Variants in CPEB1 observed in about 807,000 individuals in gnomAD.
CPEB1 encodes the protein cytoplasmic polyadenylation element binding protein 1.
In CPEB1, 7 loss-of-function variants were observed where a neutral mutation model predicts 65.8. The observed-to-expected ratio is 0.11, with a 90% confidence interval of 0.06 to 0.20. The LOEUF is 0.20. Among genes scored for constraint, CPEB1 ranks in the 10% least tolerant of loss-of-function variants. The probability of loss-of-function intolerance (pLI) is 1.00; values close to 1 mark genes in which losing one functional copy is unlikely to be tolerated. For missense variants in CPEB1, 551 were observed against 712.2 expected (o/e 0.77, Z 2.58); for synonymous variants, 262 against 260.0 (o/e 1.01, Z -0.08).
At chr15:82,583,454 C>T (rs2041486619) in intron 3 of CPEB1, 1 of 152,192 alleles carries the variant, frequency 6.6e-6, no homozygotes, top group African/African-American at 2.4e-5. Context: ...GTGCCAATCA[C>T]GACTGCATCT....
chr15:82,555,408 A>C lies in CPEB1; in HGVS notation c.940+462T>G, dbSNP rs188700397. On this transcript the variant is annotated intron_variant, in intron 6 of 12. Transcript: ENST00000684509. ...AAATGGACCCCTCCTTCCCCAGTGC[A>C]TCCCTGACTATACCAATCAGAAAGC... Among the ~76,000 whole-genome samples, 1,165 of 152,316 alleles carry C rather than the reference A, an allele frequency of 7.6e-3. 12 individuals are homozygous for C. Among genetic ancestry groups the C allele is most frequent in the Non-Finnish European group, 9.6e-3 (655 of 68,016 alleles).
At chr15:82,629,992 G>A (rs759016137) in intron 1 of CPEB1, 46 of 985,300 alleles carry the variant, frequency 4.7e-5, no homozygotes, top group Non-Finnish European at 5.5e-5. Context: ...CTCTAGAGTG[G>A]TGCCATTGAG....
At chr15:82,582,678 C>T (rs1254348646) in intron 3 of CPEB1, among the ~76,000 whole-genome samples, 1 of 151,846 alleles carries the variant, frequency 6.6e-6, no homozygotes, top group East Asian at 1.9e-4. Context: ...CAAAGGATCC[C>T]TTTTCTGCAC....
chr15:82,614,078 C>T (rs577360491), intron 3 of CPEB1, among the ~76,000 whole-genome samples: 34 of 152,226 alleles, frequency 2.2e-4, no homozygotes, highest in African/African-American at 7.9e-4. Context: ...GACTCCCTAC[C>T]CTGGGACGGC....
intron 4 of CPEB1, among the ~76,000 whole-genome samples, chr15:82,561,098 T>C (rs1483062242): frequency 7.2e-5 from 11 of 152,150 alleles, no homozygotes; most frequent in Non-Finnish European, 4.4e-5. Context: ...TGGCAGACAA[T>C]ATAAACACGA....
intron 3 of CPEB1, among the ~76,000 whole-genome samples, chr15:82,606,035 C>G (rs772716255): frequency 1.3e-5 from 2 of 151,476 alleles, no homozygotes; most frequent in Non-Finnish European, 2.9e-5. Flanking sequence ...CAAAACTCCA[C>G]CTCAAAAAAA....
rs142459598 is a variant in CPEB1, at chr15:82,565,343, A to C, written c.460+6001T>G. On this transcript the variant is annotated intron_variant, in intron 4 of 12. Coordinates refer to ENST00000684509, the MANE Select transcript of CPEB1 (RefSeq NM_001365242.1). The stretch of plus-strand genomic sequence containing the variant: ...AAGGGAAGTGGGGGGACCTCATTTC[A>C]AGAAAGAAAACCTGTCTTGCTCCCA... Among the ~76,000 whole-genome samples, 38 of 152,348 alleles carry C rather than the reference A, an allele frequency of 2.5e-4. 1 individual carries two copies. In the East Asian group the frequency reaches 6.4e-3, roughly 26 times the overall value.
At chr15:82,618,015 A>G in intron 3 of CPEB1, among the ~76,000 whole-genome samples, 1 of 151,850 alleles carries the variant, frequency 6.6e-6, no homozygotes, top group Non-Finnish European at 1.5e-5. Context: ...TTACAGGTAA[A>G]GTTTTTAATT....
At chr15:82,549,872 C>G (rs2035941307) in intron 9 of CPEB1, among the ~76,000 whole-genome samples, 1 of 152,160 alleles carries the variant, frequency 6.6e-6, no homozygotes, top group Non-Finnish European at 1.5e-5. Context: ...GTCCATGTGT[C>G]CAGAATGGTA....
At chr15:82,628,689 C>T (rs2045980161) in intron 1 of CPEB1, 133 bp from the exon 2 acceptor site, 6 of 503,854 alleles carry the variant, frequency 1.2e-5, no homozygotes, top group South Asian at 7.8e-5. Context: ...ACATCCGCTC[C>T]ACATCCTTCC....
Position 82,544,250 on chromosome 15 carries a change from C to A in CPEB1, c.*342G>T. On this transcript the variant is annotated 3_prime_UTR_variant, in exon 13 of 13. Transcript: ENST00000684509. Reference sequence around the variant, plus strand: ...TAGGTGTAGGCATCCGTGTCAATACCTCAATACCTTCTGGACACGTAGTTT... The same window carrying A: ...TAGGTGTAGGCATCCGTGTCAATACATCAATACCTTCTGGACACGTAGTTT... 1 of 231,012 alleles carries A rather than the reference C, an allele frequency of 4.3e-6. No individual in the cohort carries two copies. The highest frequency in any genetic ancestry group is 8.4e-6 in the Non-Finnish European group (1 of 118,554). The allele number at this position is 231,012 out of a possible 1,614,324, so 14.3% of individuals were successfully genotyped here. A position where few individuals can be genotyped will look rare whatever the true frequency, so the allele number is the denominator to read the frequency against.
intron 3 of CPEB1, among the ~76,000 whole-genome samples, chr15:82,595,621 T>C (rs2042609572): frequency 6.6e-6 from 1 of 152,212 alleles, no homozygotes; most frequent in African/African-American, 2.4e-5. Flanking sequence ...CTGGTCAACT[T>C]TGGAGAATGC....
At chr15:82,573,117 C>T (rs922027466) in intron 3 of CPEB1, 10 of 1,535,514 alleles carry the variant, frequency 6.5e-6, no homozygotes, top group South Asian at 2.4e-5. Flanking sequence ...ATGGCAGGGT[C>T]GAGAGAATAA....
At chr15:82,638,557 T>C (rs1213892851) in intron 1 of CPEB1, 1 of 152,176 alleles carries the variant, frequency 6.6e-6, no homozygotes, top group Non-Finnish European at 1.5e-5. Flanking sequence ...ATGAAGTGAC[T>C]GACTTACTTG....
chr15:82,547,265 C>A, intron 10 of CPEB1, 28 bp from the exon 11 acceptor site: 106 of 1,030,180 alleles, frequency 1.0e-4, no homozygotes, highest in Middle Eastern at 2.7e-4. Flanking sequence ...AGCTTCCCTT[C>A]TAACCAAATT....
chr15:82,591,238 T>C (rs939157937), intron 3 of CPEB1, among the ~76,000 whole-genome samples: 3 of 152,126 alleles, frequency 2.0e-5, no homozygotes, highest in Non-Finnish European at 2.9e-5. Flanking sequence ...AGTAACTTAC[T>C]GTGGTTTTGA....
intron 5 of CPEB1, chr15:82,556,343 A>G (rs2037194882): frequency 6.0e-6 from 3 of 502,744 alleles, no homozygotes; most frequent in Non-Finnish European, 1.0e-5. Flanking sequence ...GCCAGTCTTT[A>G]TAACCATTTA....
chr15:82,613,778 C>T (rs1269016602), intron 3 of CPEB1, among the ~76,000 whole-genome samples: 1 of 151,452 alleles, frequency 6.6e-6, no homozygotes. Context: ...CACTCACAAC[C>T]CCTCCCCTAA....
intron 1 of CPEB1, among the ~76,000 whole-genome samples, chr15:82,634,770 T>A (rs893765126): frequency 2.5e-4 from 38 of 152,232 alleles, no homozygotes; most frequent in Admixed American, 6.5e-4. Context: ...TAGACTTTTT[T>A]AATTAAGCCA....
Sources: gnomAD v4.1 joint callset for allele counts (sites outside exome capture counted in the v4.1 genomes callset) on GRCh38, gnomAD v4.1.1 for gene constraint, MANE v1.5 for transcripts, NCBI Gene and HGNC (gene_info 2026-07-23, HGNC 2026-07-21) for gene names.